Variants in CDH13 observed in about 807,000 individuals in gnomAD.
CDH13 encodes the protein cadherin 13, also known as cadherin-13.
A neutral mutation model predicts 63.8 loss-of-function variants in CDH13; 24 were observed. The ratio of observed to expected loss-of-function variants is 0.38; its 90% confidence interval spans 0.27 to 0.53. CDH13 has a LOEUF of 0.53. CDH13 is among the 20% of genes least tolerant of loss of function. The pLI, the probability that CDH13 is intolerant of heterozygous loss-of-function variation, is 0.85. For missense variants in CDH13, 1,049 were observed against 903.1 expected, an observed-to-expected ratio of 1.16 and a Z score of -2.07; for synonymous variants, 503 against 355.3, an observed-to-expected ratio of 1.42 and a Z score of -4.67.
Position 83,545,872 on chromosome 16 carries a change from G to A in CDH13, c.961-56582G>A, listed in dbSNP as rs556770243. ...GGAGAATTGATGGCTCCCTTTCTTT[G>A]AGCGTATTCATTCATTCATTCATTC... On this transcript the variant is annotated intron_variant, in intron 7 of 13. Coordinates refer to ENST00000567109, the MANE Select transcript of CDH13 (RefSeq NM_001257.5). Among the ~76,000 whole-genome samples, 12 of 152,182 alleles carry A rather than the reference G, an allele frequency of 7.9e-5. No homozygotes were observed. In the South Asian group the frequency reaches 2.3e-3, roughly 29 times the overall value.
chr16:82,795,663 T>C (rs143421341), intron 1 of CDH13, among the ~76,000 whole-genome samples: 1 of 152,326 alleles, frequency 6.6e-6, no homozygotes, highest in African/African-American at 2.4e-5. Context: ...GACAGAGACC[T>C]GCATTTATCT....
intron 5 of CDH13, among the ~76,000 whole-genome samples, chr16:83,270,894 T>C (rs1349224106): frequency 2.2e-5 from 3 of 139,454 alleles, no homozygotes; most frequent in South Asian, 2.8e-4. Context: ...CTCCCTCCCT[T>C]CCTCCCTCCT....
intron 2 of CDH13, among the ~76,000 whole-genome samples, chr16:82,884,922 T>C (rs944982125): frequency 1.3e-5 from 2 of 152,252 alleles, no homozygotes; most frequent in Non-Finnish European, 2.9e-5. Flanking sequence ...GCTACAGCTC[T>C]AGTCTAAAGC....
chr16:82,693,742 A>G (rs1351589280), intron 1 of CDH13, among the ~76,000 whole-genome samples: 3 of 152,204 alleles, frequency 2.0e-5, no homozygotes, highest in African/African-American at 7.2e-5. Flanking sequence ...GCCTATTGCC[A>G]CTTGAGGCAT....
intron 13 of CDH13, among the ~76,000 whole-genome samples, chr16:83,787,988 G>C (rs201126403): frequency 1.1e-4 from 17 of 152,340 alleles, no homozygotes; most frequent in African/African-American, 3.4e-4. Context: ...ACAGAGTTTG[G>C]ATAAATCGGA....
intron 5 of CDH13, among the ~76,000 whole-genome samples, chr16:83,337,879 C>G (rs918771): frequency 6.6e-6 from 1 of 151,536 alleles, no homozygotes; most frequent in Non-Finnish European, 1.5e-5. Flanking sequence ...TAAAAAGTAG[C>G]AATCAATGTA....
chr16:83,184,477 G>C (rs998051691), intron 4 of CDH13, among the ~76,000 whole-genome samples: 8 of 152,180 alleles, frequency 5.3e-5, no homozygotes, highest in African/African-American at 1.4e-4. Context: ...GCCAGGGGCA[G>C]GGTGCGGTGG....
chr16:82,929,320 C>A (rs9928115), intron 2 of CDH13, among the ~76,000 whole-genome samples: 50,475 of 151,606 alleles, frequency 0.33, 9,557 homozygotes, highest in Non-Finnish European at 0.43. Flanking sequence ...ATAAAAGAGA[C>A]CCCAGTGAAC....
intron 10 of CDH13, among the ~76,000 whole-genome samples, chr16:83,685,065 C>A (rs1469259726): frequency 1.3e-5 from 2 of 152,134 alleles, no homozygotes; most frequent in Non-Finnish European, 2.9e-5. Flanking sequence ...GCATTCCAGA[C>A]AGCAGGATGG....
Position 83,131,193 on chromosome 16 carries a change from C to T in CDH13, c.483+5692C>T, listed in dbSNP as rs796873947. The stretch of plus-strand genomic sequence containing the variant: ...TAAGGGGGTGTATGACCCCCCCCCC[C>T]CCCCCCCCGCCCACAGACACACACA... On this transcript the variant is annotated intron_variant, in intron 4 of 13. Coordinates refer to ENST00000567109, the MANE Select transcript of CDH13 (RefSeq NM_001257.5). Among the ~76,000 whole-genome samples the T allele has an allele frequency of 1.0e-4, 13 of 126,458 alleles. 1 individual carries two copies. The highest frequency in any genetic ancestry group is 8.3e-4 in the Admixed American group (11 of 13,232). 83.0% of individuals were successfully genotyped at this position (126,458 alleles called of 152,430 possible).
In CDH13 at chr16:82,939,646, A is replaced by G. The variant is rs572042502; in HGVS notation, c.157+81173A>G. 4.7e-5 allele frequency among the ~76,000 whole-genome samples: 7 copies of G among 148,392 alleles called. No individual in the cohort carries two copies. The South Asian group carries it at 1.1e-3, about 23-fold the overall frequency. On this transcript the variant is annotated intron_variant, in intron 2 of 13. Coordinates refer to ENST00000567109, the MANE Select transcript of CDH13 (RefSeq NM_001257.5). ...TGAATGTTAACAGTGGGTCTCTTCT[A>G]TTAGTGTGGTTGTTTGCTGTCTTCT...
chr16:82,822,021 A>T (rs1027196581), intron 1 of CDH13, among the ~76,000 whole-genome samples: 1 of 152,268 alleles, frequency 6.6e-6, no homozygotes, highest in Admixed American at 6.5e-5. Context: ...GCCTATGGCT[A>T]TTGGGTATTG....
intron 2 of CDH13, among the ~76,000 whole-genome samples, chr16:82,881,337 G>T (rs1567626390): frequency 2.0e-5 from 3 of 152,090 alleles, no homozygotes; most frequent in Admixed American, 6.6e-5. Flanking sequence ...TATTCTGGGG[G>T]TCATCTGCTG....
At chr16:82,902,786 G>C (rs1193898111) in intron 2 of CDH13, among the ~76,000 whole-genome samples, 1 of 152,080 alleles carries the variant, frequency 6.6e-6, no homozygotes, top group Non-Finnish European at 1.5e-5. Context: ...TTTCCCACCA[G>C]ATGTTCTTTT....
In CDH13 at chr16:83,799,149, T is replaced by TA. The variant is rs1220635962; in HGVS notation, c.*4125dup. 7 of 150,458 alleles carry TA rather than the reference T, an allele frequency of 4.7e-5. No homozygotes were observed. Among genetic ancestry groups the TA allele is most frequent in the Non-Finnish European group, 3.0e-5 (2 of 67,596 alleles). The allele number at this position is 150,458 out of a possible 1,614,324, so 9.3% of individuals were successfully genotyped here. On this transcript the variant is annotated 3_prime_UTR_variant, in exon 14 of 14. Transcript: ENST00000567109. ...CAGCATGGTGAAACCCTATCTCTAC[T>TA]AAAAAATACAAAAATTAGCTGGGTG...
intron 6 of CDH13, among the ~76,000 whole-genome samples, chr16:83,370,665 C>T (rs954342262): frequency 6.6e-6 from 1 of 152,264 alleles, no homozygotes; most frequent in African/African-American, 2.4e-5. Flanking sequence ...TTGATCCCTT[C>T]TTCGTGTTCT....
At chr16:82,807,147 C>A (rs925455953) in intron 1 of CDH13, among the ~76,000 whole-genome samples, 1 of 150,298 alleles carries the variant, frequency 6.7e-6, no homozygotes, top group East Asian at 1.9e-4. Flanking sequence ...ACAGACATTG[C>A]CAGATTTATC....
At chr16:83,505,427 A>G (rs2074373247) in intron 7 of CDH13, among the ~76,000 whole-genome samples, 1 of 152,048 alleles carries the variant, frequency 6.6e-6, no homozygotes, top group African/African-American at 2.4e-5. Context: ...CTGATAATGA[A>G]TTCATGGGAA....
chr16:82,716,373 A>G (rs566350277), intron 1 of CDH13, among the ~76,000 whole-genome samples: 2 of 152,078 alleles, frequency 1.3e-5, no homozygotes, highest in African/African-American at 4.8e-5. Flanking sequence ...CATGGATCCA[A>G]ATTAGAGATG....
Sources: gnomAD v4.1 joint callset for allele counts (sites outside exome capture counted in the v4.1 genomes callset) on GRCh38, gnomAD v4.1.1 for gene constraint, MANE v1.5 for transcripts, NCBI Gene and HGNC (gene_info 2026-07-23, HGNC 2026-07-21) for gene names.